Variants in MTMR10 observed in about 807,000 individuals in gnomAD.
The protein encoded by MTMR10 is myotubularin-related protein 10.
Under a neutral mutation model 88.1 loss-of-function variants are expected in MTMR10, and 56 were observed. The ratio of observed to expected loss-of-function variants is 0.64; its 90% CI spans 0.51 to 0.79. The LOEUF (loss-of-function observed/expected upper bound fraction) is 0.79, where lower values mean the gene tolerates loss of function less well. Among genes scored for constraint, MTMR10 ranks in the 30% least tolerant of loss-of-function variants. The probability of loss-of-function intolerance (pLI) is 0.00; values close to 1 mark genes in which losing one functional copy is unlikely to be tolerated. For synonymous variants in MTMR10, 380 were observed against 340.9 expected (o/e 1.11, Z -1.26); for missense variants, 883 against 924.7 (o/e 0.95, Z 0.58).
intron 2 of MTMR10, among the ~76,000 whole-genome samples, chr15:30,982,027 C>T (rs1184647671): frequency 3.3e-5 from 5 of 150,450 alleles, no homozygotes; most frequent in East Asian, 2.0e-4. Flanking sequence ...GCGGAGATCA[C>T]GCCACTGCAC....
Position 30,942,901 on chromosome 15 carries a change from T to C in MTMR10, c.1720A>G (p.Lys574Glu). 1 of 1,563,906 alleles carries C rather than the reference T, an allele frequency of 6.4e-7. No individual in the cohort carries two copies. Among genetic ancestry groups the C allele is most frequent in the Non-Finnish European group, 8.7e-7 (1 of 1,152,918 alleles). ...TAGCTGTGATTTACCTTTGTCCGTT[T>C]AAAAGACTTCACGGAGCCATTCTGT... is the stretch of plus-strand genomic sequence containing the variant. ...CIQNGSVKSF[K>E]RTKKSYSSTL... Residue 574 changes from lysine to glutamate, a missense_variant, in exon 15 of 16, where the codon AAA (lysine) becomes GAA (glutamate). This residue lies in a region of MTMR10 where 343 missense variants were observed against 323.2 expected (regional missense o/e 1.06). Transcript: ENST00000435680.
At chr15:30,991,151 G>T in intron 1 of MTMR10, 1 of 484,076 alleles carries the variant, frequency 2.1e-6, no homozygotes, top group Non-Finnish European at 3.6e-6. Flanking sequence ...TCGATGGGTT[G>T]GAAACTAAAG....
At chr15:30,971,461 T>C (rs1222068643) in intron 5 of MTMR10, among the ~76,000 whole-genome samples, 2 of 152,172 alleles carry the variant, frequency 1.3e-5, no homozygotes, top group African/African-American at 4.8e-5. Flanking sequence ...GGTTTATTTC[T>C]GTGGCCTGAA....
At chr15:30,984,823 C>T (rs73368419) in intron 2 of MTMR10, among the ~76,000 whole-genome samples, 3,590 of 152,272 alleles carry the variant, frequency 0.024, 137 homozygotes, top group African/African-American at 0.082. Context: ...GGCCCAGGCT[C>T]AACGGGCACT....
chr15:30,930,625 G>A, the MTMR10 span: 2 of 1,612,786 alleles, frequency 1.2e-6, no homozygotes, highest in South Asian at 2.2e-5. Context: ...TGTCGAGGGG[G>A]CCTCCCCGAC....
chr15:30,987,534 CAAAT>C (rs1345536211), intron 2 of MTMR10, among the ~76,000 whole-genome samples: 2 of 152,170 alleles, frequency 1.3e-5, no homozygotes, highest in Admixed American at 6.5e-5. Context: ...TGACAGCACA[CAAAT>C]AAACAACTCA....
At chr15:30,920,442 C>T in the MTMR10 span, 1 of 772,536 alleles carries the variant, frequency 1.3e-6, no homozygotes, top group South Asian at 1.6e-5. Context: ...TTAGAATATA[C>T]CTTTTTAAAA....
intron 5 of MTMR10, among the ~76,000 whole-genome samples, chr15:30,971,395 C>G (rs1467599502): frequency 1.3e-5 from 2 of 152,116 alleles, no homozygotes; most frequent in African/African-American, 4.8e-5. Context: ...TGAAGAAACT[C>G]AAATCCAGGA....
downstream of MTMR10, among the ~76,000 whole-genome samples, chr15:30,938,219 G>GT (rs1447498692): frequency 4.6e-5 from 7 of 152,126 alleles, no homozygotes; most frequent in East Asian, 1.2e-3. Context: ...CATAACCAGT[G>GT]TTTCCTTCAA....
At chr15:30,971,268 A>C (rs2063534747) in intron 5 of MTMR10, among the ~76,000 whole-genome samples, 1 of 152,200 alleles carries the variant, frequency 6.6e-6, no homozygotes, top group African/African-American at 2.4e-5. Context: ...TTGGAGAAAA[A>C]GAAGTAAACT....
intron 5 of MTMR10, among the ~76,000 whole-genome samples, chr15:30,972,802 A>T (rs1333132680): frequency 1.3e-5 from 2 of 152,208 alleles, no homozygotes; most frequent in African/African-American, 2.4e-5. Flanking sequence ...AGTACTACAG[A>T]TGGTTCAAGA....
rs989134601 is a variant in MTMR10, at chr15:30,939,462, T to C, written c.*2008A>G. 1.0e-6 allele frequency: 1 copy of C among 985,348 alleles called. No individual in the cohort carries two copies. The highest frequency in any genetic ancestry group is 1.2e-6 in the Non-Finnish European group (1 of 829,934). 61.0% of individuals were successfully genotyped at this position (985,348 alleles called of 1,614,324 possible). On this transcript the variant is annotated 3_prime_UTR_variant, in exon 16 of 16. Coordinates refer to ENST00000435680, the MANE Select transcript of MTMR10 (RefSeq NM_017762.3). ...TTCACCCTGGCCCGACTGAAGGCTGTCATAGTTGTTTTTCATATTATGCAC... is the reference window on the plus strand; with the variant it reads ...TTCACCCTGGCCCGACTGAAGGCTGCCATAGTTGTTTTTCATATTATGCAC...
chr15:30,940,201 C>T lies in MTMR10; in HGVS notation c.*1269G>A, dbSNP rs1468330678. ...GAGGAGTGTGGGGGAGGTGGTGCCCCGTTTCACTGCTGTAAGAAGCTTCAG... is the reference window on the plus strand; with the variant it reads ...GAGGAGTGTGGGGGAGGTGGTGCCCTGTTTCACTGCTGTAAGAAGCTTCAG... On this transcript the variant is annotated 3_prime_UTR_variant, in exon 16 of 16. Coordinates refer to ENST00000435680, the MANE Select transcript of MTMR10 (RefSeq NM_017762.3). 26 of 985,162 alleles carry T rather than the reference C, an allele frequency of 2.6e-5. No homozygotes were observed. The highest frequency in any genetic ancestry group is 1.2e-4 in the Admixed American group (2 of 16,248). 61.0% of individuals were successfully genotyped at this position (985,162 alleles called of 1,614,324 possible). A position where few individuals can be genotyped will look rare whatever the true frequency, so the allele number is the denominator to read the frequency against.
At chr15:30,943,577 C>A in intron 14 of MTMR10, 5 of 984,674 alleles carry the variant, frequency 5.1e-6, no homozygotes, top group Non-Finnish European at 6.0e-6. Flanking sequence ...TCACAGACCA[C>A]AGACTCAGGG....
intron 3 of MTMR10, 107 bp from the exon 4 acceptor site, chr15:30,975,110 C>CTTTTTGTGCTTTTTAG: frequency 1.2e-6 from 1 of 851,960 alleles, no homozygotes; most frequent in Non-Finnish European, 1.7e-6. Context: ...CTCTAAAAAG[C>CTTTTTGTGCTTTTTAG]ACAAAAAGCT....
chr15:30,932,572 ATAAAT>A, the MTMR10 span, among the ~76,000 whole-genome samples: 1 of 152,144 alleles, frequency 6.6e-6, no homozygotes, highest in African/African-American at 2.4e-5. Flanking sequence ...ATTTAAAGCT[ATAAAT>A]TAAATTTATT....
chr15:30,985,109 A>G (rs61997140), intron 2 of MTMR10, among the ~76,000 whole-genome samples: 40,422 of 152,112 alleles, frequency 0.27, 5,891 homozygotes, highest in Non-Finnish European at 0.33. Flanking sequence ...CTTAAAAAAG[A>G]GCATGCCCTG....
chr15:30,921,253 G>C, the MTMR10 span, among the ~76,000 whole-genome samples: 2 of 152,164 alleles, frequency 1.3e-5, no homozygotes, highest in Admixed American at 6.5e-5. Context: ...ATCCTGGAGG[G>C]TGCCCCACAG....
intron 14 of MTMR10, chr15:30,946,505 G>T: frequency 2.0e-6 from 1 of 499,816 alleles, no homozygotes; most frequent in East Asian, 3.3e-5. Context: ...TGAAGACCCC[G>T]GAGCTCACTA....
Sources: gnomAD v4.1 joint callset for allele counts (sites outside exome capture counted in the v4.1 genomes callset) on GRCh38, gnomAD v4.1.1 for gene constraint, gnomAD v4.1.1 regional missense constraint, MANE v1.5 for transcripts, NCBI Gene and HGNC (gene_info 2026-07-23, HGNC 2026-07-21) for gene names.